Variants in PGM5 observed in about 807,000 individuals in gnomAD.
The protein encoded by PGM5 is phosphoglucomutase 5.
PGM5 carries 23 observed loss-of-function variants against 59.2 expected under a neutral mutation model. The ratio of observed to expected loss-of-function variants is 0.39; its 90% CI spans 0.28 to 0.55. The LOEUF (loss-of-function observed/expected upper bound fraction) is 0.55. Among genes scored for constraint, PGM5 ranks in the 20% least tolerant of loss-of-function variants. PGM5 has a pLI of 0.66. For missense variants in PGM5, 574 were observed against 748.3 expected (o/e 0.77, Z 2.72); for synonymous variants, 214 against 286.0 (o/e 0.75, Z 2.54).
At chr9:68,484,618 C>T (rs1333582751) in intron 9 of PGM5, among the ~76,000 whole-genome samples, 1 of 147,968 alleles carries the variant, frequency 6.8e-6, no homozygotes, top group Non-Finnish European at 1.5e-5. Flanking sequence ...AACAAAAGAA[C>T]ATGGGTACTC....
At chr9:68,484,074 G>A (rs782703326) in intron 9 of PGM5, 26 bp downstream of exon 9, 6 of 1,604,234 alleles carry the variant, frequency 3.7e-6, no homozygotes, top group African/African-American at 1.3e-5. Flanking sequence ...TCACTACAAC[G>A]GGTTATCAGG....
intron 9 of PGM5, chr9:68,497,866 G>A (rs1824505829): frequency 6.6e-6 from 1 of 152,164 alleles, no homozygotes; most frequent in African/African-American, 2.4e-5. Context: ...AGAAGTCACA[G>A]TATCATCTTA....
chr9:68,423,435 T>G (rs1823176044), intron 6 of PGM5, among the ~76,000 whole-genome samples: 1 of 152,160 alleles, frequency 6.6e-6, no homozygotes, highest in African/African-American at 2.4e-5. Context: ...GGGCGAAAAT[T>G]TAAAAGAACA....
chr9:68,440,182 C>G (rs1823504334), intron 6 of PGM5, among the ~76,000 whole-genome samples: 1 of 152,166 alleles, frequency 6.6e-6, no homozygotes, highest in Non-Finnish European at 1.5e-5. Flanking sequence ...ACAGATAGAT[C>G]TGATGGAAAA....
At position 68,460,977 on chromosome 9, in the gene PGM5, G is replaced by A. The variant is rs911347471; in HGVS notation, c.1044-4116G>A. On this transcript the variant is annotated intron_variant, in intron 6 of 10. Transcript: ENST00000396396. ...GAAGCTCCGCAGCAGGAAGGGTCAC[G>A]TTGGATTGATTTCAGTGATGAGGAA... 6.6e-5 allele frequency among the ~76,000 whole-genome samples: 10 copies of A among 152,178 alleles called. No homozygotes were observed. The East Asian group carries it at 1.3e-3, about 21-fold the overall frequency.
chr9:68,524,960 C>T (rs1239112248), intron 10 of PGM5, among the ~76,000 whole-genome samples: 5 of 152,170 alleles, frequency 3.3e-5, no homozygotes, highest in Non-Finnish European at 7.4e-5. Flanking sequence ...ATCCACATTC[C>T]TCTCTGCTTT....
At chr9:68,491,507 G>T (rs1554687862) in intron 9 of PGM5, among the ~76,000 whole-genome samples, 1 of 152,170 alleles carries the variant, frequency 6.6e-6, no homozygotes, top group Non-Finnish European at 1.5e-5. Flanking sequence ...CAACTTCAGT[G>T]CTCACTCTAC....
chr9:68,430,307 T>C (rs950781061), intron 6 of PGM5, among the ~76,000 whole-genome samples: 7 of 152,354 alleles, frequency 4.6e-5, no homozygotes, highest in African/African-American at 1.7e-4. Flanking sequence ...GCAGTGGATG[T>C]GCGTGAGCTA....
intron 6 of PGM5, among the ~76,000 whole-genome samples, chr9:68,392,775 G>T (rs1444571502): frequency 6.6e-6 from 1 of 152,098 alleles, no homozygotes; most frequent in Non-Finnish European, 1.5e-5. Context: ...AAGTACAAAT[G>T]AGGTGCTTCA....
At chr9:68,438,379 A>G (rs1156537615) in intron 6 of PGM5, among the ~76,000 whole-genome samples, 1 of 151,892 alleles carries the variant, frequency 6.6e-6, no homozygotes, top group Non-Finnish European at 1.5e-5. Flanking sequence ...ATGACTGTCA[A>G]CCTCAGATGT....
chr9:68,465,065 T>C (rs1294205239), intron 6 of PGM5, 28 bp from the exon 7 acceptor site: 2 of 1,389,382 alleles, frequency 1.4e-6, no homozygotes, highest in African/African-American at 2.8e-5. Context: ...AATATATGAA[T>C]TGACTTTTCT....
At chr9:68,465,681 T>C (rs1190036993) in intron 7 of PGM5, among the ~76,000 whole-genome samples, 13 of 152,208 alleles carry the variant, frequency 8.5e-5, no homozygotes, top group African/African-American at 2.9e-4. Flanking sequence ...ACAGTACCAT[T>C]ATCACACCTA....
At chr9:68,518,830 T>A (rs569314171) in intron 10 of PGM5, among the ~76,000 whole-genome samples, 1 of 152,150 alleles carries the variant, frequency 6.6e-6, no homozygotes, top group Non-Finnish European at 1.5e-5. Context: ...CATAATTTAG[T>A]TGGAGTCTCA....
chr9:68,402,762 G>A (rs1211311609), intron 6 of PGM5, among the ~76,000 whole-genome samples: 4 of 152,178 alleles, frequency 2.6e-5, no homozygotes, highest in Admixed American at 2.6e-4. Context: ...ATAATGTTAA[G>A]TCATCTTAGG....
chr9:68,482,900 T>C lies in PGM5; in HGVS notation c.1296-965T>C, dbSNP rs539564984. Among the ~76,000 whole-genome samples, 37 of 152,398 alleles carry C rather than the reference T, an allele frequency of 2.4e-4. No homozygotes were observed. In the East Asian group the frequency reaches 6.5e-3, roughly 27 times the overall value. ...TGACAAATGCAATTGGTATTATTTT[T>C]AGTCTTTTATTTTATTTTTTCTAAT... On this transcript the variant is annotated intron_variant, in intron 8 of 10. Coordinates refer to ENST00000396396, the MANE Select transcript of PGM5 (RefSeq NM_021965.4).
intron 7 of PGM5, among the ~76,000 whole-genome samples, chr9:68,468,656 A>T (rs896034230): frequency 6.6e-6 from 1 of 151,944 alleles, no homozygotes. Flanking sequence ...CTCTATCCTC[A>T]TTTTCCCCCT....
At chr9:68,512,220 T>C (rs1375671460) in intron 10 of PGM5, among the ~76,000 whole-genome samples, 3 of 152,212 alleles carry the variant, frequency 2.0e-5, no homozygotes, top group African/African-American at 7.2e-5. Context: ...GCAGGTTCAT[T>C]GAAGAAAGGA....
In PGM5 at chr9:68,375,155, A is replaced by C. The variant is rs547463176; in HGVS notation, c.262-3044A>C. ...CATGGCGGCTGGTCTCTCCCAAAAT[A>C]AGCTGTCCAAGAGAGCAGGGGAGAA... is the stretch of plus-strand genomic sequence containing the variant. On this transcript the variant is annotated intron_variant, in intron 1 of 10. Coordinates refer to ENST00000396396, the MANE Select transcript of PGM5 (RefSeq NM_021965.4). 2.0e-3 allele frequency among the ~76,000 whole-genome samples: 307 copies of C among 152,252 alleles called. 2 individuals are homozygous for C. The highest frequency in any genetic ancestry group is 6.9e-3 in the African/African-American group (288 of 41,546).
At chr9:68,475,297 AG>A (rs1214971304) in intron 7 of PGM5, among the ~76,000 whole-genome samples, 2 of 151,336 alleles carry the variant, frequency 1.3e-5, no homozygotes, top group African/African-American at 4.9e-5. Context: ...GGCCTCCCAA[AG>A]TGCTGTGATT....
Sources: allele counts gnomAD v4.1 joint callset (sites outside exome capture counted in the v4.1 genomes callset), GRCh38; gene constraint gnomAD v4.1.1; transcripts MANE v1.5; gene names NCBI Gene and HGNC (gene_info 2026-07-23, HGNC 2026-07-21).